Variants in RGSL1 observed in about 807,000 individuals in gnomAD.
The protein encoded by RGSL1 is regulator of G protein signaling like 1.
In RGSL1, 97 loss-of-function variants were observed where a neutral mutation model predicts 124.7. The observed-to-expected ratio is 0.78, with a 90% confidence interval of 0.66 to 0.92. RGSL1 has a LOEUF of 0.92. Ranked by LOEUF, RGSL1 falls within the 40% of genes least tolerant of loss-of-function variation. The pLI, the probability that RGSL1 is intolerant of heterozygous loss-of-function variation, is 0.00. For synonymous variants in RGSL1, 424 were observed against 438.1 expected (o/e 0.97, Z 0.40); for missense variants, 1,233 against 1,288.4 (o/e 0.96, Z 0.66).
chr1:182,525,300 A>G (rs765945302), intron 10 of RGSL1, among the ~76,000 whole-genome samples: 3 of 152,200 alleles, frequency 2.0e-5, no homozygotes, highest in Non-Finnish European at 4.4e-5. Context: ...GGCAGTCAAC[A>G]GAAACTCTCT....
chr1:182,490,457 A>G (rs1369612144), intron 8 of RGSL1, among the ~76,000 whole-genome samples: 1 of 152,360 alleles, frequency 6.6e-6, no homozygotes, highest in East Asian at 1.9e-4. Context: ...TGCACTCTGT[A>G]TACAAACCAA....
At chr1:182,538,167 G>A (rs944754073) in intron 14 of RGSL1, among the ~76,000 whole-genome samples, 2 of 152,112 alleles carry the variant, frequency 1.3e-5, no homozygotes, top group Admixed American at 6.6e-5. Context: ...TTTAAAAATC[G>A]TTTCGGAAGG....
chr1:182,472,713 A>T, intron 5 of RGSL1, 156 bp downstream of exon 5: 1 of 688,344 alleles, frequency 1.5e-6, no homozygotes, highest in Non-Finnish European at 2.2e-6. Context: ...TAACCAGGAA[A>T]GTATTGAAAG....
intron 1 of RGSL1, among the ~76,000 whole-genome samples, chr1:182,451,143 CAA>C (rs569488586): frequency 9.8e-4 from 103 of 105,016 alleles, no homozygotes; most frequent in Admixed American, 9.1e-4. Flanking sequence ...GAGACTTTGG[CAA>C]AAAAAAAAAA....
At chr1:182,513,235 CAG>C (rs1657596949) in intron 9 of RGSL1, among the ~76,000 whole-genome samples, 1 of 152,220 alleles carries the variant, frequency 6.6e-6, no homozygotes, top group Non-Finnish European at 1.5e-5. Flanking sequence ...TTCCTGCTGA[CAG>C]GGGGCATTGT....
At position 182,513,897 on chromosome 1, in the gene RGSL1, C is replaced by CTT. The variant is rs35152167; in HGVS notation, c.1826-8092_1826-8091dup. ...ATCAGATTTTCTTTTCTCTCCCTAT[C>CTT]TTTTTTTTTTTTTTTTGAGACAGTC... On this transcript the variant is annotated intron_variant, in intron 9 of 21. Coordinates refer to ENST00000294854, the MANE Select transcript of RGSL1 (RefSeq NM_001137669.2). Among the ~76,000 whole-genome samples, 392 of 138,792 alleles carry CTT rather than the reference C, an allele frequency of 2.8e-3. 2 individuals are homozygous for CTT. The highest frequency in any genetic ancestry group is 0.011 in the Middle Eastern group (3 of 262). 91.1% of individuals were successfully genotyped at this position (138,792 alleles called of 152,430 possible). A position where few individuals can be genotyped will look rare whatever the true frequency, so the allele number is the denominator to read the frequency against.
intron 18 of RGSL1, among the ~76,000 whole-genome samples, chr1:182,552,132 G>A (rs1274001479): frequency 7.8e-6 from 1 of 127,968 alleles, no homozygotes; most frequent in African/African-American, 2.7e-5. Context: ...TTTTTTTTTT[G>A]AGAGGCAGTC....
chr1:182,530,518 A>G (rs930342719), intron 12 of RGSL1, among the ~76,000 whole-genome samples, 157 bp downstream of exon 12: 2 of 110,178 alleles, frequency 1.8e-5, no homozygotes, highest in African/African-American at 3.8e-5. Context: ...TTTCCTACCT[A>G]TCTATCTGAC....
intron 9 of RGSL1, among the ~76,000 whole-genome samples, chr1:182,509,358 A>T (rs1254783541): frequency 2.9e-4 from 7 of 23,916 alleles, no homozygotes; most frequent in Non-Finnish European, 6.1e-4. Flanking sequence ...CTGGCCGGGC[A>T]GAGGGGCTCC....
Position 182,474,181 on chromosome 1 carries a change from T to C in RGSL1, c.1070T>C (p.Ile357Thr). Reference protein sequence around the residue: ...PIVNHSSKMTIQKAIKQSFSL... With the variant: ...PIVNHSSKMTTQKAIKQSFSL... ...GTCAATCACTCCTCCAAGATGACAA[T>C]TCAGAAGGCCATCAAGCAAAGCTTC... Residue 357 changes from isoleucine (I) to threonine (T), a missense_variant, in exon 6 of 22, where the codon ATT becomes ACT. By Grantham distance (89) the Ile-to-Thr change is moderately conservative. Transcript: ENST00000294854. The C allele has an allele frequency of 1.3e-6, 2 of 1,552,060 alleles. No homozygotes were observed. The highest frequency in any genetic ancestry group is 1.7e-6 in the Non-Finnish European group (2 of 1,147,054).
At chr1:182,462,733 A>G (rs1185761926) in intron 4 of RGSL1, among the ~76,000 whole-genome samples, 1 of 152,238 alleles carries the variant, frequency 6.6e-6, no homozygotes, top group African/African-American at 2.4e-5. Context: ...GCTGTCAAAG[A>G]AGCAAAGTTT....
rs561684 is a variant in RGSL1, at chr1:182,554,369, A to G, written c.3131-258A>G. ...CCTGATCTCCTATTTTACTTCCCTA[A>G]GTCTATGTGATTGACATCATGGCCT... On this transcript the variant is annotated intron_variant, in intron 19 of 21. Coordinates refer to ENST00000294854, the MANE Select transcript of RGSL1 (RefSeq NM_001137669.2). 0.28 allele frequency among the ~76,000 whole-genome samples: 41,876 copies of G among 151,976 alleles called. 6,171 individuals carry two copies. Among genetic ancestry groups the G allele is most frequent in the Admixed American group, 0.34 (5,270 of 15,276 alleles).
chr1:182,558,951 G>A (rs1276678854), intron 21 of RGSL1, among the ~76,000 whole-genome samples: 1 of 152,164 alleles, frequency 6.6e-6, no homozygotes, highest in Non-Finnish European at 1.5e-5. Context: ...AAATTCTACC[G>A]ACCATGGTCC....
In RGSL1 at chr1:182,521,983, A is replaced by C. The variant is rs1167501451; in HGVS notation, c.1826-21A>C. 11 of 1,449,634 alleles carry C rather than the reference A, an allele frequency of 7.6e-6. No homozygotes were observed. The Admixed American group carries it at 1.5e-4, about 20-fold the overall frequency. 89.8% of individuals were successfully genotyped at this position (1,449,634 alleles called of 1,614,324 possible). ...ATTGCTTATAATATAGTGTTCTCCAACTTAGTGATTTTTTTTTTAGATTTT... is the reference window on the plus strand; with the variant it reads ...ATTGCTTATAATATAGTGTTCTCCACCTTAGTGATTTTTTTTTTAGATTTT... On this transcript the variant is annotated intron_variant, in intron 9 of 21. Transcript: ENST00000294854.
intron 8 of RGSL1, among the ~76,000 whole-genome samples, chr1:182,491,388 G>T (rs747081964): frequency 1.6e-4 from 24 of 151,836 alleles, no homozygotes; most frequent in Non-Finnish European, 2.9e-4. Context: ...GCTAATTTTT[G>T]TATTTTATTA....
At chr1:182,508,680 T>TTG (rs1641804246) in intron 9 of RGSL1, among the ~76,000 whole-genome samples, 2 of 149,324 alleles carry the variant, frequency 1.3e-5, no homozygotes, top group African/African-American at 5.0e-5. Context: ...TTGTTTTTTT[T>TTG]TTTTTTTTTT....
At chr1:182,555,740 G>C (rs2102343037) in intron 20 of RGSL1, 1 of 419,114 alleles carries the variant, frequency 2.4e-6, no homozygotes, top group East Asian at 4.6e-5. Flanking sequence ...TTCCAACAGG[G>C]ACTTGAAGCT....
chr1:182,490,567 C>T (rs1035983403), intron 8 of RGSL1, among the ~76,000 whole-genome samples: 4 of 152,170 alleles, frequency 2.6e-5, no homozygotes, highest in Non-Finnish European at 4.4e-5. Context: ...ATTCCACTCT[C>T]TCTCTAAATC....
At chr1:182,521,655 C>T (rs540179303) in intron 9 of RGSL1, among the ~76,000 whole-genome samples, 1 of 152,166 alleles carries the variant, frequency 6.6e-6, no homozygotes, top group Non-Finnish European at 1.5e-5. Context: ...TCAAGGAAGA[C>T]GGAATGTCAT....
Sources: gnomAD v4.1 joint callset for allele counts (sites outside exome capture counted in the v4.1 genomes callset) on GRCh38, gnomAD v4.1.1 for gene constraint, MANE v1.5 for transcripts, NCBI Gene and HGNC (gene_info 2026-07-23, HGNC 2026-07-21) for gene names.